Variants in TLR7 observed in about 807,000 individuals in gnomAD.
The protein encoded by TLR7 is toll like receptor 7.
TLR7 carries 12 observed loss-of-function variants against 38.3 expected under a neutral mutation model. That is an observed-to-expected ratio of 0.31 (90% confidence interval 0.20 to 0.51). TLR7 has a LOEUF of 0.51. Ranked by LOEUF, TLR7 falls within the 20% of genes least tolerant of loss-of-function variation. TLR7 has a pLI of 0.98. For missense variants in TLR7, 504 were observed against 743.4 expected (o/e 0.68, Z 3.74); for synonymous variants, 285 against 293.8 (o/e 0.97, Z 0.31).
rs777238386 is a variant in TLR7, at chrX:12,885,502, A to G, written c.4-10A>G. ...TTAGAACAATGATTTGTTCTTTCTT[A>G]TACTTTCAGGTGTTTCCAATGTGGA... is the stretch of plus-strand genomic sequence containing the variant. On this transcript the variant is annotated splice_polypyrimidine_tract_variant and intron_variant, in intron 2 of 2. Coordinates refer to ENST00000380659, the MANE Select transcript of TLR7 (RefSeq NM_016562.4). 2 of 1,168,664 alleles carry G rather than the reference A, an allele frequency of 1.7e-6. No homozygotes were observed.
Position 12,885,592 on chromosome X carries a change from A to G in TLR7, c.84A>G (p.Arg28=), listed in dbSNP as rs776821332. The G allele has an allele frequency of 1.5e-5, 18 of 1,209,690 alleles. No homozygotes were observed. The highest frequency in any genetic ancestry group is 1.1e-6 in the Non-Finnish European group (1 of 894,870). The change falls in exon 3 of 3, where the codon AGA becomes AGG. Residue 28 remains arginine (R), a synonymous_variant. Transcript: ENST00000380659. ...TAATTTCCAAACTCCTTGGGGCTAG[A>G]TGGTTTCCTAAAACTCTGCCCTGTG... is the stretch of plus-strand genomic sequence containing the variant. ...IILISKLLGA[R]WFPKTLPCDV...
rs201593484 is a variant in TLR7, at chrX:12,867,088, C to T, written c.-134C>T. On this transcript the variant is annotated 5_prime_UTR_variant, in exon 1 of 3. Transcript: ENST00000380659. ...CCTCCCATCACTTCATCTCAGAAGA[C>T]TCCAGATATAGGATCACTCCATGCC... 1 of 112,010 alleles carries T rather than the reference C, an allele frequency of 8.9e-6. No homozygotes were observed. Among genetic ancestry groups the T allele is most frequent in the Non-Finnish European group, 1.9e-5 (1 of 53,342 alleles). The allele number at this position is 112,010 out of a possible 1,213,427, so 9.2% of individuals were successfully genotyped here.
chrX:12,875,704 G>A (rs1431258481), intron 2 of TLR7, among the ~76,000 whole-genome samples: 1 of 111,490 alleles, frequency 9.0e-6, no homozygotes. Context: ...CTTGCCTGAC[G>A]CCATGTAAGA....
chrX:12,885,373 A>G (rs2042906366), intron 2 of TLR7, 139 bp from the exon 3 acceptor site: 1 of 535,742 alleles, frequency 1.9e-6, no homozygotes, highest in African/African-American at 2.3e-5. Context: ...GGGGTTGGGG[A>G]TGCTGTTTAG....
At chrX:12,882,514 G>T (rs942563927) in intron 2 of TLR7, among the ~76,000 whole-genome samples, 8 of 111,464 alleles carry the variant, frequency 7.2e-5, no homozygotes, top group Non-Finnish European at 1.3e-4. Context: ...CTGTGTAGAG[G>T]CTAAAAATTT....
chrX:12,870,512 C>T (rs184976223), intron 2 of TLR7, among the ~76,000 whole-genome samples: 12 of 111,822 alleles, frequency 1.1e-4, no homozygotes, highest in Non-Finnish European at 2.1e-4. Context: ...AATTAAAAAT[C>T]ATCATTACAG....
rs199552838 is a variant in TLR7, at chrX:12,888,414, T to C, written c.2906T>C (p.Ile969Thr). Residue 969 changes from isoleucine (I) to threonine (T), a missense_variant, in exon 3 of 3, where the codon ATA becomes ACA. Coordinates refer to ENST00000380659, the MANE Select transcript of TLR7 (RefSeq NM_016562.4). ...DKYAKTENFK[I>T]AFYLSHQRLM... ...TATGCAAAGACTGAAAATTTTAAGA[T>C]AGCATTTTACTTGTCCCATCAGAGG... The C allele has an allele frequency of 3.3e-6, 4 of 1,211,917 alleles. No individual in the cohort carries two copies. Among genetic ancestry groups the C allele is most frequent in the South Asian group, 3.5e-5 (2 of 56,990 alleles).
Position 12,886,324 on chromosome X carries a change from G to T in TLR7, c.816G>T (p.Pro272=), listed in dbSNP as rs200031329. 8.3e-7 allele frequency: 1 copy of T among 1,211,467 alleles called. No homozygotes were observed. The highest frequency in any genetic ancestry group is 1.1e-6 in the Non-Finnish European group (1 of 895,291). ...RCYNAPFPCA[P]CKNNSPLQIP... ...ATAATGCCCCATTTCCTTGTGCGCC[G>T]TGTAAAAATAATTCTCCCCTACAGA... The change falls in exon 3 of 3, where the codon CCG becomes CCT. Residue 272 remains proline (P), a synonymous_variant. Transcript: ENST00000380659.
In TLR7 at chrX:12,885,549, T is replaced by A; in HGVS notation, c.41T>A (p.Ile14Asn). ...TGGACACTGAAGAGACAAATTCTTA[T>A]CCTTTTTAACATAATCCTAATTTCC... ...PMWTLKRQIL[I>N]LFNIILISKL... Residue 14 changes from isoleucine (I) to asparagine (N), a missense_variant, in exon 3 of 3, where the codon ATC becomes AAC. Transcript: ENST00000380659. 1 of 1,207,727 alleles carries A rather than the reference T, an allele frequency of 8.3e-7. No individual in the cohort carries two copies. Among genetic ancestry groups the A allele is most frequent in the East Asian group, 3.0e-5 (1 of 33,839 alleles).
At position 12,867,468 on chromosome X, in the gene TLR7, C is replaced by A; in HGVS notation, c.-98-13C>A. The A allele has an allele frequency of 1.5e-6, 1 of 654,015 alleles. No homozygotes were observed. 53.9% of individuals were successfully genotyped at this position (654,015 alleles called of 1,213,427 possible). A position where few individuals can be genotyped will look rare whatever the true frequency, so the allele number is the denominator to read the frequency against. ...TTTGAAATGTAAACTTTGATGTCTT[C>A]TCTTTCTCTTAGTTGATGCTATTGG... On this transcript the variant is annotated splice_polypyrimidine_tract_variant and intron_variant, in intron 1 of 2. Transcript: ENST00000380659.
intron 2 of TLR7, among the ~76,000 whole-genome samples, chrX:12,869,847 A>C (rs1208127279): frequency 9.1e-6 from 1 of 109,578 alleles, no homozygotes; most frequent in African/African-American, 3.3e-5. Context: ...AAAAAAAAAA[A>C]AAAAATCATG....
Position 12,888,548 on chromosome X carries a change from G to A in TLR7, c.3040G>A (p.Glu1014Lys). 2 of 1,211,716 alleles carry A rather than the reference G, an allele frequency of 1.7e-6. No homozygotes were observed. The highest frequency in any genetic ancestry group is 2.2e-6 in the Non-Finnish European group (2 of 895,513). ...AAGGCTCTGTGGGAGTTCTGTCCTT[G>A]AGTGGCCAACAAACCCGCAAGCTCA... ...RKRLCGSSVL[E>K]WPTNPQAHPY... The change falls in exon 3 of 3, where the codon GAG (glutamate) becomes AAG (lysine). Residue 1014 changes from glutamate (E) to lysine (K), a missense_variant. Physicochemically the swap from Glu to Lys is moderately conservative, Grantham distance 56. Coordinates refer to ENST00000380659, the MANE Select transcript of TLR7 (RefSeq NM_016562.4).
intron 2 of TLR7, among the ~76,000 whole-genome samples, chrX:12,882,873 T>A: frequency 8.9e-6 from 1 of 111,814 alleles, no homozygotes; most frequent in Non-Finnish European, 1.9e-5. Context: ...CTCATTTAGG[T>A]ACATGGGAAT....
chrX:12,883,914 C>T (rs2042901238), intron 2 of TLR7, among the ~76,000 whole-genome samples: 1 of 111,378 alleles, frequency 9.0e-6, no homozygotes, highest in Non-Finnish European at 1.9e-5. Flanking sequence ...CCCTTCTGAG[C>T]CATCTTGCAT....
Position 12,886,019 on chromosome X carries a change from CT to C in TLR7, c.512del (p.Leu171ArgfsTer4). The C allele has an allele frequency of 8.3e-7, 1 of 1,211,931 alleles. No individual in the cohort carries two copies. Among genetic ancestry groups the C allele is most frequent in the Non-Finnish European group, 1.1e-6 (1 of 895,486 alleles). On this transcript the variant is annotated frameshift_variant, in exon 3 of 3. Transcript: ENST00000380659. LOFTEE classifies it high-confidence loss of function. ...CATCAGAAAAGAGAATCTAACAGAACTGGCCAACATAGAAATACTCTACCTG... is the reference window on the plus strand; with the variant it reads ...CATCAGAAAAGAGAATCTAACAGAACGGCCAACATAGAAATACTCTACCTG... ...FSIRKENLTE[L>X]ANIEILYLGQ... is the part of the protein sequence containing the mutation.
In TLR7 at chrX:12,886,620, G is replaced by T; in HGVS notation, c.1112G>T (p.Ser371Ile). 3 of 1,212,012 alleles carry T rather than the reference G, an allele frequency of 2.5e-6. No individual in the cohort carries two copies. Among genetic ancestry groups the T allele is most frequent in the Non-Finnish European group, 3.3e-6 (3 of 895,564 alleles). ...TCACAAGCATTTTCTTCACTGAAAA[G>T]CCTGAAAATTCTGCGGATCAGAGGA... ...NLSQAFSSLK[S>I]LKILRIRGYV... Residue 371 changes from serine to isoleucine, a missense_variant, in exon 3 of 3, where the codon AGC becomes ATC. Transcript: ENST00000380659.
Position 12,888,202 on chromosome X carries a change from C to T in TLR7, c.2694C>T (p.Asp898=), listed in dbSNP as rs755147255. The change falls in exon 3 of 3, where the codon GAC becomes GAT. Residue 898 remains aspartate, a synonymous_variant. Coordinates refer to ENST00000380659, the MANE Select transcript of TLR7 (RefSeq NM_016562.4). The part of the protein sequence containing the change: ...DCCYDAFIVY[D]TKDPAVTEWV... ...GCTATGATGCTTTTATTGTGTATGA[C>T]ACTAAAGACCCAGCTGTGACCGAGT... 1 of 1,211,494 alleles carries T rather than the reference C, an allele frequency of 8.3e-7. No individual in the cohort carries two copies. Among genetic ancestry groups the T allele is most frequent in the South Asian group, 1.8e-5 (1 of 56,971 alleles).
rs764545107 is a variant in TLR7, at chrX:12,887,023, AT to A, written c.1521del (p.Phe507LeufsTer16). 8.3e-7 allele frequency: 1 copy of A among 1,209,478 alleles called. No individual in the cohort carries two copies. The highest frequency in any genetic ancestry group is 2.2e-5 in the Admixed American group (1 of 45,752). On this transcript the variant is annotated frameshift_variant, in exon 3 of 3. Transcript: ENST00000380659. LOFTEE classifies it high-confidence loss of function. ...QTLDLSKNSI[F>X]FVKSSDFQHL... Reference sequence around the variant, plus strand: ...CCTTGGATCTAAGTAAAAATAGTATATTTTTTGTCAAGTCCTCTGATTTTCA... The same window carrying A: ...CCTTGGATCTAAGTAAAAATAGTATATTTTTGTCAAGTCCTCTGATTTTCA...
At position 12,886,064 on chromosome X, in the gene TLR7, C is replaced by T. The variant is rs2042909875; in HGVS notation, c.556C>T (p.Arg186Ter). Residue 186 changes from arginine to a stop codon, truncating the protein, a stop_gained, in exon 3 of 3, where the codon CGA (arginine) becomes TGA (stop). Transcript: ENST00000380659. LOFTEE classifies it high-confidence loss of function. ...ILYLGQNCYY[R>*]NPCYVSYSIE... is the part of the protein sequence containing the mutation. ...CTACCTGGGCCAAAACTGTTATTAT[C>T]GAAATCCTTGTTATGTTTCATATTC... The T allele has an allele frequency of 3.3e-6, 4 of 1,209,287 alleles. No homozygotes were observed. The highest frequency in any genetic ancestry group is 1.7e-5 in the African/African-American group (1 of 57,200).
Sources: gnomAD v4.1 joint callset for allele counts (sites outside exome capture counted in the v4.1 genomes callset) on GRCh38, gnomAD v4.1.1 for gene constraint, MANE v1.5 for transcripts, NCBI Gene and HGNC (gene_info 2026-07-23, HGNC 2026-07-21) for gene names.